CALN1: variants seen among roughly 807,000 people sequenced by gnomAD.
CALN1 encodes calneuron 1.
Under a neutral mutation model 30.6 loss-of-function variants are expected in CALN1, and 17 were observed. The observed-to-expected ratio is 0.56, with a 90% CI of 0.38 to 0.83. The LOEUF (loss-of-function observed/expected upper bound fraction) is 0.83, where lower values mean the gene tolerates loss of function less well. Among genes scored for constraint, CALN1 ranks in the 40% least tolerant of loss-of-function variants. CALN1 has a pLI of 0.00. For synonymous variants in CALN1, 156 were observed against 131.4 expected, an observed-to-expected ratio of 1.19 and a Z score of -1.28; for missense variants, 291 against 354.9, an observed-to-expected ratio of 0.82 and a Z score of 1.45.
At chr7:72,148,445 G>T (rs201859604) in intron 3 of CALN1, among the ~76,000 whole-genome samples, 1 of 149,476 alleles carries the variant, frequency 6.7e-6, no homozygotes, top group Non-Finnish European at 1.5e-5. Flanking sequence ...AAGAAAAAAA[G>T]AAAAAAAAAT....
intron 3 of CALN1, among the ~76,000 whole-genome samples, chr7:72,131,942 G>A (rs1809178553): frequency 6.6e-6 from 1 of 152,022 alleles, no homozygotes. Flanking sequence ...CATGATTGTT[G>A]TTCAAGATCT....
intron 2 of CALN1, among the ~76,000 whole-genome samples, chr7:72,401,413 A>T (rs1413882834): frequency 2.0e-5 from 3 of 152,206 alleles, no homozygotes; most frequent in African/African-American, 7.2e-5. Context: ...CCCACTGCAC[A>T]AAGAAAATCT....
At chr7:71,934,655 C>T (rs1220251906) in intron 5 of CALN1, among the ~76,000 whole-genome samples, 1 of 152,162 alleles carries the variant, frequency 6.6e-6, no homozygotes, top group Non-Finnish European at 1.5e-5. Context: ...AGGGATCTGT[C>T]CCTATGACCC....
intron 3 of CALN1, among the ~76,000 whole-genome samples, chr7:72,258,226 A>G (rs12699130): frequency 0.34 from 51,763 of 152,116 alleles, 10,100 homozygotes; most frequent in Middle Eastern, 0.53. Flanking sequence ...CTTCACCGGC[A>G]AGAAGTCAAG....
chr7:72,389,181 G>GC (rs1805418998), intron 2 of CALN1, among the ~76,000 whole-genome samples: 1 of 152,156 alleles, frequency 6.6e-6, no homozygotes, highest in Non-Finnish European at 1.5e-5. Flanking sequence ...CAACGCAGGA[G>GC]CCCCTGTCCC....
In CALN1 at chr7:72,179,261, C is replaced by T. The variant is rs140839033; in HGVS notation, c.245-72967G>A. Among the ~76,000 whole-genome samples, 96 of 152,272 alleles carry T rather than the reference C, an allele frequency of 6.3e-4. 1 individual carries two copies. In the East Asian group the frequency reaches 0.013, roughly 20 times the overall value. ...GCTCTGAGAGGCTAAATAAGTTTCA[C>T]GGGTAATTAACATCATTTGCATGAG... On this transcript the variant is annotated intron_variant, in intron 3 of 6. Transcript: ENST00000395275.
intron 2 of CALN1, among the ~76,000 whole-genome samples, chr7:72,377,075 T>C (rs966130391): frequency 1.2e-4 from 18 of 152,220 alleles, no homozygotes; most frequent in African/African-American, 4.1e-4. Flanking sequence ...AGTGCCACAC[T>C]GTTTTGACTA....
At chr7:71,795,814 C>CTTTTTTTTTTTTT (rs55667543) in intron 6 of CALN1, among the ~76,000 whole-genome samples, 9 of 98,588 alleles carry the variant, frequency 9.1e-5, no homozygotes, top group African/African-American at 3.6e-4. Context: ...GTACTTCATT[C>CTTTTTTTTTTTTT]TTTTTTTTTT....
chr7:71,933,098 G>C (rs1452940043), intron 5 of CALN1, among the ~76,000 whole-genome samples: 1 of 103,380 alleles, frequency 9.7e-6, no homozygotes, highest in Non-Finnish European at 2.3e-5. Flanking sequence ...ATGCAAGCTA[G>C]AAGCTTGCAT....
chr7:71,783,019 G>C lies in CALN1; in HGVS notation c.*4756C>G, dbSNP rs1792800169. On this transcript the variant is annotated 3_prime_UTR_variant, in exon 7 of 7. Coordinates refer to ENST00000395275, the MANE Select transcript of CALN1 (RefSeq NM_031468.4). Reference sequence around the variant, plus strand: ...CCTGCCTTGGCCTCCCAAAGTGCTGGGATTATAGGTGTGAGCCACCGCACC... The same window carrying C: ...CCTGCCTTGGCCTCCCAAAGTGCTGCGATTATAGGTGTGAGCCACCGCACC... 3 of 152,050 alleles carry C rather than the reference G, an allele frequency of 2.0e-5. No homozygotes were observed. The highest frequency in any genetic ancestry group is 6.6e-5 in the Admixed American group (1 of 15,256). The allele number at this position is 152,050 out of a possible 1,614,324, so 9.4% of individuals were successfully genotyped here. A position where few individuals can be genotyped will look rare whatever the true frequency, so the allele number is the denominator to read the frequency against.
chr7:72,239,705 G>A (rs1794713165), intron 3 of CALN1, among the ~76,000 whole-genome samples: 2 of 151,572 alleles, frequency 1.3e-5, no homozygotes, highest in South Asian at 2.1e-4. Context: ...AAAAAAAAAT[G>A]TGGATTTTCT....
chr7:72,150,742 G>C (rs1787168780), intron 3 of CALN1, among the ~76,000 whole-genome samples: 1 of 152,158 alleles, frequency 6.6e-6, no homozygotes, highest in South Asian at 2.1e-4. Flanking sequence ...GTGTGTCTCA[G>C]TTTTTTCATT....
chr7:72,089,417 A>G (rs939317249), intron 4 of CALN1, among the ~76,000 whole-genome samples: 1 of 152,168 alleles, frequency 6.6e-6, no homozygotes, highest in Non-Finnish European at 1.5e-5. Flanking sequence ...ACAAAACAAA[A>G]TGACGGAATT....
intron 2 of CALN1, among the ~76,000 whole-genome samples, chr7:72,369,727 G>C (rs181833465): frequency 2.3e-4 from 35 of 152,246 alleles, no homozygotes; most frequent in Admixed American, 2.2e-3. Context: ...TATAGAAGTA[G>C]AACTGTCCTA....
chr7:72,331,696 T>C (rs1562895455), intron 2 of CALN1, among the ~76,000 whole-genome samples: 3 of 152,236 alleles, frequency 2.0e-5, no homozygotes, highest in African/African-American at 4.8e-5. Context: ...TTGTTTTTTT[T>C]CCAAGTTTTA....
intron 2 of CALN1, among the ~76,000 whole-genome samples, chr7:72,319,619 AGGCCATTATC>A (rs1800732312): frequency 6.6e-6 from 1 of 152,228 alleles, no homozygotes; most frequent in Non-Finnish European, 1.5e-5. Context: ...ATGGAACAGG[AGGCCATTATC>A]TGTAAGTGAA....
chr7:72,000,693 T>C (rs1799481657), intron 5 of CALN1, among the ~76,000 whole-genome samples: 1 of 152,188 alleles, frequency 6.6e-6, no homozygotes, highest in Non-Finnish European at 1.5e-5. Flanking sequence ...TAATTCATTT[T>C]ACAAGGCCTC....
intron 3 of CALN1, among the ~76,000 whole-genome samples, chr7:72,213,229 G>A (rs1176001579): frequency 2.6e-5 from 4 of 152,176 alleles, no homozygotes; most frequent in Admixed American, 6.5e-5. Flanking sequence ...TTTGTTCTCC[G>A]CTCTAGCAAG....
chr7:71,981,787 A>G (rs1435437360), intron 5 of CALN1, among the ~76,000 whole-genome samples: 1 of 151,968 alleles, frequency 6.6e-6, no homozygotes, highest in Non-Finnish European at 1.5e-5. Context: ...ATAGTGTCAG[A>G]ATGGAATTGA....
Sources: allele counts gnomAD v4.1 joint callset (sites outside exome capture counted in the v4.1 genomes callset), GRCh38; gene constraint gnomAD v4.1.1; transcripts MANE v1.5; gene names NCBI Gene and HGNC (gene_info 2026-07-23, HGNC 2026-07-21).